The following DACH1 variants were observed in gnomAD, a reference collection of about 807,000 sequenced individuals.
DACH1 encodes dachshund homolog 1.
DACH1 carries 12 observed loss-of-function variants against 54.2 expected under a neutral mutation model. The ratio of observed to expected loss-of-function variants is 0.22; its 90% CI spans 0.14 to 0.36. The LOEUF (loss-of-function observed/expected upper bound fraction) is 0.36, where lower values mean the gene tolerates loss of function less well. Among genes scored for constraint, DACH1 ranks in the 10% least tolerant of loss-of-function variants. The pLI, the probability that DACH1 is intolerant of heterozygous loss-of-function variation, is 1.00. For missense variants in DACH1, 805 were observed against 929.8 expected, an observed-to-expected ratio of 0.87 and a Z score of 1.75; for synonymous variants, 386 against 366.2, an observed-to-expected ratio of 1.05 and a Z score of -0.62.
At chr13:71,475,638 A>G in intron 9 of DACH1, 68 bp downstream of exon 9, 1 of 1,493,896 alleles carries the variant, frequency 6.7e-7, no homozygotes, top group Non-Finnish European at 9.0e-7. Context: ...AACTACAAAC[A>G]CATGCCTAAA....
At position 71,533,733 on chromosome 13, in the gene DACH1, TTCTC is replaced by T. The variant is rs372180782; in HGVS notation, c.1570+23287_1570+23290del. 2.3e-4 allele frequency among the ~76,000 whole-genome samples: 35 copies of T among 149,590 alleles called. 1 individual carries two copies. Among genetic ancestry groups the T allele is most frequent in the Admixed American group, 1.1e-3 (16 of 15,006 alleles). ...TCTCTCTGTCTATCTCTCTGTCTCA[TTCTC>T]TCTCTCTCTCTGAGTGTGTGTCACA... On this transcript the variant is annotated intron_variant, in intron 6 of 10. Transcript: ENST00000613252.
chr13:71,829,817 A>G (rs2138203650), intron 1 of DACH1, among the ~76,000 whole-genome samples: 1 of 152,056 alleles, frequency 6.6e-6, no homozygotes, highest in Middle Eastern at 3.4e-3. Context: ...CACTAACAAA[A>G]ATACATGTTG....
intron 2 of DACH1, among the ~76,000 whole-genome samples, chr13:71,666,170 T>C (rs955381286): frequency 6.6e-6 from 1 of 152,148 alleles, no homozygotes; most frequent in Non-Finnish European, 1.5e-5. Context: ...TGATTGTATA[T>C]ATAAAAGTAG....
chr13:71,707,918 A>T (rs1217504031), intron 1 of DACH1, among the ~76,000 whole-genome samples: 5 of 152,112 alleles, frequency 3.3e-5, no homozygotes, highest in Non-Finnish European at 7.4e-5. Flanking sequence ...ACCTCCCACT[A>T]TTTGGCTTTT....
rs1434034869 is a variant in DACH1, at chr13:71,715,548, T to C, written c.849-33638A>G. ...TCTAACTCAATGTCACTATTCTTCCTCCTGCCCTGCCTGATTTCTCTGAGT... is the reference window on the plus strand; with the variant it reads ...TCTAACTCAATGTCACTATTCTTCCCCCTGCCCTGCCTGATTTCTCTGAGT... On this transcript the variant is annotated intron_variant, in intron 1 of 10. Coordinates refer to ENST00000613252, the MANE Select transcript of DACH1 (RefSeq NM_080759.6). Among the ~76,000 whole-genome samples the C allele has an allele frequency of 2.0e-5, 3 of 152,078 alleles. No individual in the cohort carries two copies. In the East Asian group the frequency reaches 5.8e-4, roughly 29 times the overall value.
chr13:71,619,569 A>T (rs1288471130), intron 3 of DACH1, among the ~76,000 whole-genome samples: 1 of 152,000 alleles, frequency 6.6e-6, no homozygotes, highest in East Asian at 1.9e-4. Flanking sequence ...AATGTAGAGA[A>T]ATTGAAATTG....
chr13:71,800,513 C>T (rs760198637), intron 1 of DACH1, among the ~76,000 whole-genome samples: 1 of 152,010 alleles, frequency 6.6e-6, no homozygotes, highest in South Asian at 2.1e-4. Context: ...AACATTTGCT[C>T]TTTTACAACA....
chr13:71,634,813 C>G (rs933458966), intron 2 of DACH1, among the ~76,000 whole-genome samples: 1 of 152,208 alleles, frequency 6.6e-6, no homozygotes, highest in Admixed American at 6.5e-5. Context: ...TCAGCCCTAG[C>G]ATCTGAGATT....
chr13:71,474,826 A>T (rs1877374468), intron 10 of DACH1, among the ~76,000 whole-genome samples: 1 of 152,220 alleles, frequency 6.6e-6, no homozygotes, highest in Non-Finnish European at 1.5e-5. Flanking sequence ...AGAACTTATA[A>T]ACCCTTCCTG....
chr13:71,755,833 G>A (rs923521033), intron 1 of DACH1, among the ~76,000 whole-genome samples: 1 of 151,968 alleles, frequency 6.6e-6, no homozygotes, highest in African/African-American at 2.4e-5. Context: ...CACAGCATTA[G>A]CAACAAATAT....
intron 1 of DACH1, among the ~76,000 whole-genome samples, chr13:71,831,846 C>T (rs766122567): frequency 6.6e-6 from 1 of 151,900 alleles, no homozygotes. Flanking sequence ...CAAACACACA[C>T]TGGAGCTGTC....
rs190406334 is a variant in DACH1, at chr13:71,848,343, G to A, written c.848+17579C>T. Among the ~76,000 whole-genome samples the A allele has an allele frequency of 5.0e-3, 759 of 152,106 alleles. 4 individuals are homozygous for A. Among genetic ancestry groups the A allele is most frequent in the Non-Finnish European group, 6.9e-3 (467 of 68,002 alleles). ...TAGTGTTAATACAATTTTAATAAAC[G>A]TTATATGTATATAAGGACTTTGTAA... is the stretch of plus-strand genomic sequence containing the variant. On this transcript the variant is annotated intron_variant, in intron 1 of 10. Transcript: ENST00000613252.
intron 6 of DACH1, among the ~76,000 whole-genome samples, chr13:71,521,852 C>T (rs1289469118): frequency 6.6e-6 from 1 of 152,124 alleles, no homozygotes; most frequent in African/African-American, 2.4e-5. Context: ...AAACACCATA[C>T]TGTCCATACT....
intron 6 of DACH1, among the ~76,000 whole-genome samples, chr13:71,492,844 A>G (rs1340076079): frequency 6.6e-6 from 1 of 151,904 alleles, no homozygotes; most frequent in Non-Finnish European, 1.5e-5. Flanking sequence ...ATTTCAGTGT[A>G]TATTTCTTAA....
chr13:71,866,466 T>TGCCACCGCCGCCGCC lies in DACH1; in HGVS notation c.289_303dup (p.Gly97_Gly101dup), dbSNP rs1300793232. The TGCCACCGCCGCCGCC allele has an allele frequency of 7.8e-7, 1 of 1,282,426 alleles. No homozygotes were observed. The highest frequency in any genetic ancestry group is 9.9e-7 in the Non-Finnish European group (1 of 1,014,626). 79.4% of individuals were successfully genotyped at this position (1,282,426 alleles called of 1,614,324 possible). A position where few individuals can be genotyped will look rare whatever the true frequency, so the allele number is the denominator to read the frequency against. ...GCCGCCAGGTTGGGGTTGCAGTTGC[T>TGCCACCGCCGCCGCC]GCCACCGCCGCCGCCGCCACCGCCG... On this transcript the variant is annotated inframe_insertion, in exon 1 of 11. Coordinates refer to ENST00000613252, the MANE Select transcript of DACH1 (RefSeq NM_080759.6).
chr13:71,856,758 A>C (rs1379016168), intron 1 of DACH1, among the ~76,000 whole-genome samples: 1 of 151,926 alleles, frequency 6.6e-6, no homozygotes, highest in African/African-American at 2.4e-5. Flanking sequence ...GACATAGGCC[A>C]TGGAATTATT....
At chr13:71,822,724 G>T (rs1361597312) in intron 1 of DACH1, among the ~76,000 whole-genome samples, 1 of 152,076 alleles carries the variant, frequency 6.6e-6, no homozygotes, top group African/African-American at 2.4e-5. Flanking sequence ...TAAAACGTAA[G>T]GGTTTTTCAA....
chr13:71,761,352 G>C (rs1425312903), intron 1 of DACH1, among the ~76,000 whole-genome samples: 1 of 152,100 alleles, frequency 6.6e-6, no homozygotes, highest in Non-Finnish European at 1.5e-5. Context: ...GTACTTATAA[G>C]CGCTGACTCA....
intron 1 of DACH1, among the ~76,000 whole-genome samples, chr13:71,683,240 A>T (rs1880998533): frequency 6.6e-6 from 1 of 152,146 alleles, no homozygotes; most frequent in Admixed American, 6.6e-5. Flanking sequence ...AACAACTATG[A>T]TGCAAATTGT....
Sources: gnomAD v4.1 joint callset for allele counts (sites outside exome capture counted in the v4.1 genomes callset) on GRCh38, gnomAD v4.1.1 for gene constraint, MANE v1.5 for transcripts, NCBI Gene and HGNC (gene_info 2026-07-23, HGNC 2026-07-21) for gene names.